CSMD1: variants seen among roughly 807,000 people sequenced by gnomAD.
CSMD1 encodes CUB and sushi domain-containing protein 1.
A neutral mutation model predicts 417.5 loss-of-function variants in CSMD1; 213 were observed. The ratio of observed to expected loss-of-function variants is 0.51; its 90% confidence interval spans 0.46 to 0.57. The LOEUF (loss-of-function observed/expected upper bound fraction) is 0.57. Ranked by LOEUF, CSMD1 falls within the 20% of genes least tolerant of loss-of-function variation. The pLI, the probability that CSMD1 is intolerant of heterozygous loss-of-function variation, is 0.00. For synonymous variants in CSMD1, 2,862 were observed against 1,736.8 expected (o/e 1.65, Z -16.11); for missense variants, 6,923 against 4,529.7 (o/e 1.53, Z -15.17).
intron 1 of CSMD1, among the ~76,000 whole-genome samples, chr8:4,791,939 G>C (rs577760385): frequency 2.3e-4 from 34 of 147,114 alleles, no homozygotes; most frequent in Admixed American, 6.0e-4. Flanking sequence ...CTTTATGTTA[G>C]TTTTCCTTTT....
chr8:3,771,564 C>A (rs1268473231), intron 5 of CSMD1, among the ~76,000 whole-genome samples: 1 of 152,088 alleles, frequency 6.6e-6, no homozygotes, highest in Non-Finnish European at 1.5e-5. Flanking sequence ...AGAAACACAG[C>A]CCTAGAGACC....
intron 1 of CSMD1, among the ~76,000 whole-genome samples, chr8:4,720,601 G>A (rs571398227): frequency 1.3e-5 from 2 of 152,194 alleles, no homozygotes; most frequent in East Asian, 3.9e-4. Context: ...TATTTAAATA[G>A]AGACAGGGTT....
At chr8:3,356,700 A>AAGTAATG (rs1808817676) in intron 21 of CSMD1, among the ~76,000 whole-genome samples, 1 of 148,078 alleles carries the variant, frequency 6.8e-6, no homozygotes, top group African/African-American at 2.5e-5. Context: ...ACAACAAAAA[A>AAGTAATG]ACGTAATGGC....
At chr8:3,946,622 C>G (rs1811244716) in intron 5 of CSMD1, among the ~76,000 whole-genome samples, 1 of 152,038 alleles carries the variant, frequency 6.6e-6, no homozygotes, top group Non-Finnish European at 1.5e-5. Flanking sequence ...TTGTGTTGAT[C>G]CTACAGACCA....
chr8:3,695,279 G>C (rs1313829107), intron 7 of CSMD1, among the ~76,000 whole-genome samples: 1 of 152,024 alleles, frequency 6.6e-6, no homozygotes, highest in Non-Finnish European at 1.5e-5. Context: ...TAAAATTATA[G>C]TGCCGCGATG....
intron 2 of CSMD1, among the ~76,000 whole-genome samples, chr8:4,533,186 A>C (rs1285947047): frequency 1.3e-5 from 2 of 152,182 alleles, no homozygotes; most frequent in African/African-American, 4.8e-5. Context: ...ACGTGGTAGC[A>C]TTTGTCATCG....
At chr8:3,096,581 A>C (rs1815315582) in intron 47 of CSMD1, among the ~76,000 whole-genome samples, 1 of 152,128 alleles carries the variant, frequency 6.6e-6, no homozygotes, top group Non-Finnish European at 1.5e-5. Flanking sequence ...TAAATCCATT[A>C]AATCTCTTTT....
intron 5 of CSMD1, among the ~76,000 whole-genome samples, chr8:3,876,695 G>A (rs1037152875): frequency 1.3e-5 from 2 of 152,134 alleles, no homozygotes; most frequent in Admixed American, 1.3e-4. Context: ...CTGTAGCCTT[G>A]ACTTCCCAGG....
chr8:3,772,078 C>T (rs993512063), intron 5 of CSMD1, among the ~76,000 whole-genome samples: 6 of 151,004 alleles, frequency 4.0e-5, no homozygotes, highest in East Asian at 1.9e-4. Flanking sequence ...GCTACCAATC[C>T]AGGCGGTTGA....
chr8:3,784,982 G>A (rs1208593059), intron 5 of CSMD1, among the ~76,000 whole-genome samples: 1 of 152,146 alleles, frequency 6.6e-6, no homozygotes, highest in African/African-American at 2.4e-5. Flanking sequence ...CTGGTAAAAT[G>A]TCTCTCATGT....
At chr8:3,513,081 C>T (rs1797144095) in intron 10 of CSMD1, among the ~76,000 whole-genome samples, 1 of 151,830 alleles carries the variant, frequency 6.6e-6, no homozygotes, top group Non-Finnish European at 1.5e-5. Flanking sequence ...TTTTCATGGT[C>T]ATTGTCTAGC....
chr8:4,752,559 C>A (rs1389584310), intron 1 of CSMD1, among the ~76,000 whole-genome samples: 1 of 152,054 alleles, frequency 6.6e-6, no homozygotes, highest in Non-Finnish European at 1.5e-5. Flanking sequence ...CCCAGATGCA[C>A]AGAGTGAAAA....
At chr8:3,344,722 T>C (rs920498095) in intron 22 of CSMD1, among the ~76,000 whole-genome samples, 60 of 152,350 alleles carry the variant, frequency 3.9e-4, no homozygotes, top group African/African-American at 1.4e-3. Context: ...TTATACAGAT[T>C]AATTTTTCTT....
chr8:3,283,438 C>A (rs1273781536), intron 26 of CSMD1, among the ~76,000 whole-genome samples: 1 of 151,584 alleles, frequency 6.6e-6, no homozygotes, highest in African/African-American at 2.4e-5. Context: ...TAAAGTCGTA[C>A]GTTTTTTTTT....
chr8:3,831,037 G>A (rs117010936), intron 5 of CSMD1, among the ~76,000 whole-genome samples: 4,564 of 152,168 alleles, frequency 0.03, 106 homozygotes, highest in Non-Finnish European at 0.043. Flanking sequence ...AGCTTAATGC[G>A]CGAACAGGGT....
intron 10 of CSMD1, among the ~76,000 whole-genome samples, chr8:3,558,559 GT>G (rs141981418): frequency 0.15 from 17,897 of 121,120 alleles, 62 homozygotes; most frequent in East Asian, 0.22. Flanking sequence ...ATGGTACCCC[GT>G]GTCCACTCCT....
At chr8:4,859,852 C>T (rs1328132755) in intron 1 of CSMD1, among the ~76,000 whole-genome samples, 8 of 152,166 alleles carry the variant, frequency 5.3e-5, no homozygotes, top group African/African-American at 9.6e-5. Context: ...GTCAGTGTGG[C>T]GATTCCTCAG....
chr8:3,181,392 A>G (rs1386767791), intron 36 of CSMD1, among the ~76,000 whole-genome samples, 178 bp from the exon 37 acceptor site: 4 of 152,228 alleles, frequency 2.6e-5, no homozygotes, highest in Admixed American at 2.0e-4. Context: ...TCTAGGTACA[A>G]TAAAAAGTTA....
At chr8:3,768,793 G>C (rs146653762) in intron 5 of CSMD1, among the ~76,000 whole-genome samples, 52 of 152,340 alleles carry the variant, frequency 3.4e-4, no homozygotes, top group Admixed American at 3.3e-3. Context: ...CTTGTCCTAA[G>C]TTTTGCTGGT....
Sources: allele counts gnomAD v4.1 joint callset (sites outside exome capture counted in the v4.1 genomes callset), GRCh38; gene constraint gnomAD v4.1.1; transcripts MANE v1.5; gene names NCBI Gene and HGNC (gene_info 2026-07-23, HGNC 2026-07-21).